Variants in KCNQ5 observed in about 807,000 individuals in gnomAD.
KCNQ5 encodes potassium voltage-gated channel subfamily Q member 5, also known as potassium voltage-gated channel subfamily KQT member 5.
Under a neutral mutation model 98.2 loss-of-function variants are expected in KCNQ5, and 30 were observed. The ratio of observed to expected loss-of-function variants is 0.31; its 90% confidence interval spans 0.23 to 0.41. The LOEUF (loss-of-function observed/expected upper bound fraction) is 0.41, where lower values mean the gene tolerates loss of function less well. KCNQ5 is among the 10% of genes least tolerant of loss of function. The probability of loss-of-function intolerance (pLI) is 1.00; values close to 1 mark genes in which losing one functional copy is unlikely to be tolerated. For missense variants in KCNQ5, 835 were observed against 1,182.5 expected, an observed-to-expected ratio of 0.71 and a Z score of 4.31; for synonymous variants, 458 against 449.4, an observed-to-expected ratio of 1.02 and a Z score of -0.24.
Position 73,195,248 on chromosome 6 carries a change from C to T in KCNQ5, c.2633C>T (p.Pro878Leu), listed in dbSNP as rs2150528430. 1 of 1,614,114 alleles carries T rather than the reference C, an allele frequency of 6.2e-7. No homozygotes were observed. Among genetic ancestry groups the T allele is most frequent in the Non-Finnish European group, 8.5e-7 (1 of 1,180,030 alleles). The change falls in exon 14 of 14, where the codon CCC (proline) becomes CTC (leucine). Residue 878 changes from proline (P) to leucine (L), a missense_variant. Around this residue, in one of 10 missense-constraint regions of KCNQ5, gnomAD observed 416 missense variants for 446.9 expected, o/e 0.93. Transcript: ENST00000370398. The stretch of plus-strand genomic sequence containing the variant: ...TTTATAACTGATGAAGAGGTGGGTC[C>T]CGAAGAGACAGAGACAGACACTTTT... ...KLFITDEEVG[P>L]EETETDTFDA...
At chr6:72,850,139 T>C (rs1284542742) in intron 1 of KCNQ5, among the ~76,000 whole-genome samples, 2 of 152,144 alleles carry the variant, frequency 1.3e-5, no homozygotes, top group Non-Finnish European at 2.9e-5. Flanking sequence ...TTTAGAAGAA[T>C]AAGTTTGTAT....
chr6:73,188,643 A>G (rs1229469450), intron 11 of KCNQ5, among the ~76,000 whole-genome samples: 1 of 152,178 alleles, frequency 6.6e-6, no homozygotes, highest in Non-Finnish European at 1.5e-5. Flanking sequence ...GTCATAGTAG[A>G]AGTGGTAACA....
At chr6:72,940,146 A>T (rs1408748171) in intron 1 of KCNQ5, among the ~76,000 whole-genome samples, 2 of 152,184 alleles carry the variant, frequency 1.3e-5, no homozygotes, top group Non-Finnish European at 2.9e-5. Flanking sequence ...GTTCTGAATC[A>T]TACCCAAAAT....
At chr6:72,738,378 TA>T (rs200193878) in intron 1 of KCNQ5, among the ~76,000 whole-genome samples, 7 of 151,300 alleles carry the variant, frequency 4.6e-5, no homozygotes, top group Admixed American at 2.0e-4. Flanking sequence ...TTCTGGTGTG[TA>T]AAAAAAAATT....
rs371374455 is a variant in KCNQ5, at chr6:72,692,567, G to A, written c.398+69980G>A. Among the ~76,000 whole-genome samples, 3 of 152,342 alleles carry A rather than the reference G, an allele frequency of 2.0e-5. No homozygotes were observed. The East Asian group carries it at 5.8e-4, about 29-fold the overall frequency. ...GACTCTGCAAATACATTTCTTGTAA[G>A]TGTGAACATTTTGAAATTTTCTAAG... On this transcript the variant is annotated intron_variant, in intron 1 of 13. Transcript: ENST00000370398.
chr6:73,088,394 T>A (rs1031133813), intron 5 of KCNQ5, among the ~76,000 whole-genome samples: 3 of 152,214 alleles, frequency 2.0e-5, no homozygotes, highest in Non-Finnish European at 4.4e-5. Context: ...CATTCTCTAT[T>A]GAGTTTCCAT....
chr6:72,838,943 C>T, intron 1 of KCNQ5, among the ~76,000 whole-genome samples: 1 of 63,350 alleles, frequency 1.6e-5, no homozygotes, highest in Non-Finnish European at 3.6e-5. Context: ...GAGCGAGACT[C>T]CGTCTCAAAA....
chr6:72,890,708 CT>C (rs1291862734), intron 1 of KCNQ5, among the ~76,000 whole-genome samples: 1 of 152,102 alleles, frequency 6.6e-6, no homozygotes, highest in Non-Finnish European at 1.5e-5. Context: ...AGATAAAAAC[CT>C]TTGTGTCTTA....
intron 1 of KCNQ5, among the ~76,000 whole-genome samples, chr6:72,843,143 T>G (rs1019660732): frequency 2.0e-5 from 3 of 152,226 alleles, no homozygotes; most frequent in Non-Finnish European, 2.9e-5. Flanking sequence ...TTAATCCATC[T>G]TGAGTTAATT....
chr6:72,688,554 A>G (rs749313084), intron 1 of KCNQ5, among the ~76,000 whole-genome samples: 3 of 152,234 alleles, frequency 2.0e-5, no homozygotes, highest in Non-Finnish European at 4.4e-5. Flanking sequence ...AAGATATGCA[A>G]TCAATTTTTA....
chr6:72,779,821 CTGTGTGTG>C (rs35526812), intron 1 of KCNQ5, among the ~76,000 whole-genome samples: 7,170 of 124,766 alleles, frequency 0.057, 331 homozygotes, highest in African/African-American at 0.11. Context: ...ATTTAATTTT[CTGTGTGTG>C]TGTGTGTGTG....
At chr6:72,687,509 T>C (rs918425100) in intron 1 of KCNQ5, among the ~76,000 whole-genome samples, 13 of 152,160 alleles carry the variant, frequency 8.5e-5, no homozygotes, top group African/African-American at 2.4e-5. Context: ...ACAATGACAA[T>C]ACATGTGACC....
At chr6:72,744,255 TA>T (rs1442998113) in intron 1 of KCNQ5, among the ~76,000 whole-genome samples, 2 of 152,272 alleles carry the variant, frequency 1.3e-5, no homozygotes, top group East Asian at 3.9e-4. Context: ...CTATCACAGG[TA>T]TTTAAATTTA....
chr6:72,960,776 C>T (rs910074481), intron 1 of KCNQ5, among the ~76,000 whole-genome samples: 1 of 152,244 alleles, frequency 6.6e-6, no homozygotes, highest in Non-Finnish European at 1.5e-5. Context: ...CAAAAAAAGA[C>T]TCTTCTATCC....
intron 1 of KCNQ5, among the ~76,000 whole-genome samples, chr6:72,706,497 A>G (rs1228340859): frequency 6.6e-6 from 1 of 152,060 alleles, no homozygotes; most frequent in Non-Finnish European, 1.5e-5. Flanking sequence ...GTGAATGTAT[A>G]TATTTACATA....
chr6:73,137,402 G>C (rs1382378960), intron 10 of KCNQ5, among the ~76,000 whole-genome samples: 1 of 152,152 alleles, frequency 6.6e-6, no homozygotes, highest in Non-Finnish European at 1.5e-5. Context: ...GACTGATGTG[G>C]TGTTATCATA....
chr6:72,894,537 T>C (rs1021552896), intron 1 of KCNQ5, among the ~76,000 whole-genome samples: 1 of 152,234 alleles, frequency 6.6e-6, no homozygotes, highest in Non-Finnish European at 1.5e-5. Flanking sequence ...CAAATTTCTT[T>C]GTAGATCAAA....
At chr6:72,900,057 C>T (rs1016750791) in intron 1 of KCNQ5, among the ~76,000 whole-genome samples, 48 of 152,160 alleles carry the variant, frequency 3.2e-4, no homozygotes, top group Middle Eastern at 3.4e-3. Flanking sequence ...AAGCTGGTCT[C>T]GAACCCCTGA....
intron 1 of KCNQ5, among the ~76,000 whole-genome samples, chr6:72,839,911 C>T (rs191676148): frequency 1.2e-4 from 18 of 152,150 alleles, no homozygotes; most frequent in Non-Finnish European, 2.2e-4. Context: ...CATATCAGTG[C>T]ATGGGTGGTT....
Sources: allele counts gnomAD v4.1 joint callset (sites outside exome capture counted in the v4.1 genomes callset), GRCh38; gene constraint gnomAD v4.1.1; regional missense constraint gnomAD v4.1.1; transcripts MANE v1.5; gene names NCBI Gene and HGNC (gene_info 2026-07-23, HGNC 2026-07-21).